The following GPR107 variants were observed in gnomAD, a reference collection of about 807,000 sequenced individuals.
The protein encoded by GPR107 is protein GPR107.
In GPR107, 31 loss-of-function variants were observed where a neutral mutation model predicts 75.5. The observed-to-expected ratio is 0.41, with a 90% CI of 0.31 to 0.55. The LOEUF is 0.55. Ranked by LOEUF, GPR107 falls within the 20% of genes least tolerant of loss-of-function variation. GPR107 has a pLI of 0.26. For missense variants in GPR107, 572 were observed against 665.7 expected, an observed-to-expected ratio of 0.86 and a Z score of 1.55; for synonymous variants, 267 against 251.3, an observed-to-expected ratio of 1.06 and a Z score of -0.59.
At chr9:130,075,270 A>C (rs1830315488) in intron 1 of GPR107, among the ~76,000 whole-genome samples, 2 of 116,040 alleles carry the variant, frequency 1.7e-5, no homozygotes, top group African/African-American at 3.4e-5. Context: ...TTTGAGACAG[A>C]GTCTTGCTCC....
At chr9:130,117,034 C>T (rs1564681420) in intron 14 of GPR107, among the ~76,000 whole-genome samples, 4 of 151,766 alleles carry the variant, frequency 2.6e-5, no homozygotes. Context: ...GCAACCTCTG[C>T]CTCCTGGGTT....
intron 1 of GPR107, among the ~76,000 whole-genome samples, chr9:130,065,160 G>A (rs1830038530): frequency 6.6e-6 from 1 of 152,072 alleles, no homozygotes; most frequent in African/African-American, 2.4e-5. Flanking sequence ...GCCATTAAGT[G>A]ATATTCGCAG....
intron 1 of GPR107, among the ~76,000 whole-genome samples, chr9:130,063,810 C>CT (rs1317543145): frequency 0.1 from 13,405 of 130,114 alleles, 700 homozygotes; most frequent in Non-Finnish European, 0.12. Flanking sequence ...GGAGTTTATT[C>CT]TTTTTTTTTT....
intron 7 of GPR107, among the ~76,000 whole-genome samples, chr9:130,088,560 G>A (rs1312977704): frequency 6.6e-6 from 1 of 152,176 alleles, no homozygotes; most frequent in East Asian, 1.9e-4. Flanking sequence ...TCTTGGCCTT[G>A]GGCCTATATT....
chr9:130,124,595 T>A (rs1482994399), intron 14 of GPR107, among the ~76,000 whole-genome samples: 1 of 152,130 alleles, frequency 6.6e-6, no homozygotes, highest in Non-Finnish European at 1.5e-5. Flanking sequence ...AATTCCTGAT[T>A]TGTAGCATCT....
intron 1 of GPR107, among the ~76,000 whole-genome samples, chr9:130,066,670 G>T (rs1251676213): frequency 6.6e-6 from 1 of 152,122 alleles, no homozygotes. Context: ...AGCACACTGG[G>T]CTTTGTCTTG....
At chr9:130,077,785 C>T (rs947540819) in intron 4 of GPR107, among the ~76,000 whole-genome samples, 2 of 152,198 alleles carry the variant, frequency 1.3e-5, no homozygotes, top group African/African-American at 4.8e-5. Context: ...CCCTGTGACT[C>T]CGGGCCTCAG....
At chr9:130,081,212 A>AATAC (rs1262754547) in intron 5 of GPR107, among the ~76,000 whole-genome samples, 1 of 152,034 alleles carries the variant, frequency 6.6e-6, no homozygotes, top group Non-Finnish European at 1.5e-5. Context: ...CTCCGAAATA[A>AATAC]ATACATACAT....
chr9:130,091,303 A>C (rs1280739812), intron 8 of GPR107, among the ~76,000 whole-genome samples: 1 of 152,138 alleles, frequency 6.6e-6, no homozygotes, highest in Non-Finnish European at 1.5e-5. Context: ...AGTGTGGGCA[A>C]TATGGCAAAA....
At chr9:130,113,075 C>T (rs530642566) in intron 14 of GPR107, among the ~76,000 whole-genome samples, 1 of 152,114 alleles carries the variant, frequency 6.6e-6, no homozygotes, top group African/African-American at 2.4e-5. Context: ...GGAAGAATGA[C>T]TGTTATGGTG....
chr9:130,067,743 C>G lies in GPR107; in HGVS notation c.142-7893C>G, dbSNP rs535323303. Among the ~76,000 whole-genome samples the G allele has an allele frequency of 3.9e-5, 4 of 103,384 alleles. No homozygotes were observed. In the East Asian group the frequency reaches 1.0e-3, roughly 27 times the overall value. The allele number at this position is 103,384 out of a possible 152,430, so 67.8% of individuals were successfully genotyped here. On this transcript the variant is annotated intron_variant, in intron 1 of 17. Coordinates refer to ENST00000347136, the MANE Select transcript of GPR107 (RefSeq NM_020960.5). The stretch of plus-strand genomic sequence containing the variant: ...CAGCTAATGACTGGTAGTCCCCCCC[C>G]ACCGCCCCCTTTTTTTTTTTTGAGA...
intron 7 of GPR107, among the ~76,000 whole-genome samples, chr9:130,089,556 C>CTA (rs1226110655): frequency 1.3e-5 from 2 of 152,128 alleles, no homozygotes; most frequent in African/African-American, 4.8e-5. Context: ...TACTCCAACT[C>CTA]TAGAGTTGAC....
intron 7 of GPR107, 72 bp downstream of exon 7, chr9:130,086,548 G>A (rs1418197488): frequency 2.3e-6 from 2 of 884,120 alleles, no homozygotes; most frequent in Non-Finnish European, 3.8e-6. Context: ...TTTTTTTAGA[G>A]GAATTTTGAA....
chr9:130,105,709 A>G (rs1831140572), intron 13 of GPR107, among the ~76,000 whole-genome samples: 2 of 151,866 alleles, frequency 1.3e-5, no homozygotes, highest in Non-Finnish European at 2.9e-5. Flanking sequence ...TCATTCCATC[A>G]TACATCACAC....
intron 5 of GPR107, among the ~76,000 whole-genome samples, chr9:130,080,632 C>T (rs1469342248): frequency 6.6e-6 from 1 of 151,750 alleles, no homozygotes; most frequent in Non-Finnish European, 1.5e-5. Flanking sequence ...GCTGGGACTA[C>T]AGGCGCCCGC....
intron 14 of GPR107, among the ~76,000 whole-genome samples, chr9:130,110,067 T>C: frequency 6.6e-6 from 1 of 152,196 alleles, no homozygotes. Context: ...CCTCCCTTCT[T>C]TGCGTCCTCC....
rs1469690626 is a variant in GPR107, at chr9:130,103,492, C to G, written c.1132-928C>G. 6.6e-6 allele frequency among the ~76,000 whole-genome samples: 1 copy of G among 152,164 alleles called. No individual in the cohort carries two copies. The highest frequency in any genetic ancestry group is 2.4e-5 in the African/African-American group (1 of 41,442). ...AAATTTCCCTTATGCTCTGTGGCATCTCAGTTTAGCCAGTGGAAAGACTTT... is the reference window on the plus strand; with the variant it reads ...AAATTTCCCTTATGCTCTGTGGCATGTCAGTTTAGCCAGTGGAAAGACTTT... On this transcript the variant is annotated intron_variant, in intron 12 of 17. Transcript: ENST00000347136. The surrounding 1 kb of genome is among the most constrained non-coding windows in gnomAD (Gnocchi z 4.3).
chr9:130,124,823 G>A (rs1831632780), intron 14 of GPR107, 92 bp from the exon 15 acceptor site: 1 of 729,126 alleles, frequency 1.4e-6, no homozygotes, highest in Non-Finnish European at 2.4e-6. Flanking sequence ...TGCATTAGAG[G>A]TGGCCTCTTG....
intron 5 of GPR107, among the ~76,000 whole-genome samples, chr9:130,080,743 G>A (rs970876156): frequency 2.0e-5 from 3 of 151,312 alleles, no homozygotes; most frequent in African/African-American, 4.8e-5. Context: ...CGCCCGCCTC[G>A]GCCTCCCAAA....
Sources: allele counts gnomAD v4.1 joint callset (sites outside exome capture counted in the v4.1 genomes callset), GRCh38; gene constraint gnomAD v4.1.1; non-coding constraint Gnocchi (gnomAD v3.1); transcripts MANE v1.5; gene names NCBI Gene and HGNC (gene_info 2026-07-23, HGNC 2026-07-21).